Variants in DCUN1D4 observed in about 807,000 individuals in gnomAD.
DCUN1D4 encodes DCN1-like protein 4.
DCUN1D4 carries 22 observed loss-of-function variants against 47.9 expected under a neutral mutation model. The ratio of observed to expected loss-of-function variants is 0.46; its 90% confidence interval spans 0.33 to 0.66. The LOEUF (loss-of-function observed/expected upper bound fraction) is 0.66. DCUN1D4 is among the 30% of genes least tolerant of loss of function. The pLI, the probability that DCUN1D4 is intolerant of heterozygous loss-of-function variation, is 0.02. For missense variants in DCUN1D4, 301 were observed against 340.8 expected (o/e 0.88, Z 0.92); for synonymous variants, 121 against 112.2 (o/e 1.08, Z -0.50).
In DCUN1D4 at chr4:51,914,444, ACCT is replaced by A. The variant is rs1734129644; in HGVS notation, c.*865_*867del. 6.6e-6 allele frequency: 1 copy of A among 152,254 alleles called. No homozygotes were observed. Among genetic ancestry groups the A allele is most frequent in the Non-Finnish European group, 1.5e-5 (1 of 67,978 alleles). The allele number at this position is 152,254 out of a possible 1,614,324, so 9.4% of individuals were successfully genotyped here. ...TGCCACTCTAAGTAAAATTTATTTC[ACCT>A]CCTCAATGAAAACCTCATGGTTTTG... On this transcript the variant is annotated 3_prime_UTR_variant, in exon 11 of 11. Transcript: ENST00000334635.
rs150575732 is a variant in DCUN1D4 at position 51,912,141 on chromosome 4, A to G, written c.720+967A>G. Among the ~76,000 whole-genome samples, 427 of 152,324 alleles carry G rather than the reference A, an allele frequency of 2.8e-3. 2 individuals are homozygous for G. Among genetic ancestry groups the G allele is most frequent in the African/African-American group, 1.0e-2 (415 of 41,586 alleles). ...AGTATCTGTTTACCCAAAATAGTCC[A>G]TGTTGACATATGGTCTGTTCTAATT... is the stretch of plus-strand genomic sequence containing the variant. On this transcript the variant is annotated intron_variant, in intron 9 of 10. Coordinates refer to ENST00000334635, the MANE Select transcript of DCUN1D4 (RefSeq NM_001040402.3).
intron 1 of DCUN1D4, among the ~76,000 whole-genome samples, chr4:51,855,771 A>G (rs1213481501): frequency 1.3e-5 from 2 of 152,208 alleles, no homozygotes; most frequent in African/African-American, 4.8e-5. Context: ...AAAGGTTGTA[A>G]TGCATCCTTT....
chr4:51,893,219 G>C (rs568992886), intron 7 of DCUN1D4, among the ~76,000 whole-genome samples: 89 of 152,276 alleles, frequency 5.8e-4, no homozygotes, highest in African/African-American at 2.0e-3. Flanking sequence ...GATGACAAAT[G>C]AGTTTTAGGT....
intron 8 of DCUN1D4, chr4:51,905,277 G>A (rs1404591084): frequency 3.4e-5 from 15 of 446,428 alleles, no homozygotes; most frequent in Non-Finnish European, 4.5e-5. Flanking sequence ...GAGAGCCAGC[G>A]AGGAGGGGCA....
the DCUN1D4 span, among the ~76,000 whole-genome samples, chr4:51,835,034 T>C: frequency 3.3e-5 from 5 of 152,198 alleles, no homozygotes; most frequent in African/African-American, 7.2e-5. Context: ...GAGATTTGCC[T>C]TGGACTCCAA....
intron 1 of DCUN1D4, among the ~76,000 whole-genome samples, chr4:51,856,203 T>G (rs1724111132): frequency 6.6e-6 from 1 of 152,218 alleles, no homozygotes; most frequent in Non-Finnish European, 1.5e-5. Flanking sequence ...TTCTGCCGCC[T>G]TTACAGGTTT....
chr4:51,891,732 T>G (rs1299899457), intron 6 of DCUN1D4, 28 bp from the exon 7 acceptor site: 1 of 1,526,486 alleles, frequency 6.6e-7, no homozygotes, highest in African/African-American at 1.4e-5. Context: ...AATATATTTT[T>G]TTTTAATTGT....
At chr4:51,849,952 T>C (rs1352159848) in intron 1 of DCUN1D4, among the ~76,000 whole-genome samples, 1 of 152,206 alleles carries the variant, frequency 6.6e-6, no homozygotes, top group Non-Finnish European at 1.5e-5. Flanking sequence ...TTAGGTATAA[T>C]TTCACGTATT....
At chr4:51,845,739 A>G (rs563031979) in intron 1 of DCUN1D4, among the ~76,000 whole-genome samples, 1 of 152,242 alleles carries the variant, frequency 6.6e-6, no homozygotes, top group Non-Finnish European at 1.5e-5. Flanking sequence ...TGATGATAAA[A>G]ATATTACCAA....
chr4:51,913,700 C>A lies in DCUN1D4; in HGVS notation c.*116C>A. 1 of 935,266 alleles carries A rather than the reference C, an allele frequency of 1.1e-6. No homozygotes were observed. The highest frequency in any genetic ancestry group is 1.7e-6 in the Non-Finnish European group (1 of 595,288). The allele number at this position is 935,266 out of a possible 1,614,324, so 57.9% of individuals were successfully genotyped here. A position where few individuals can be genotyped will look rare whatever the true frequency, so the allele number is the denominator to read the frequency against. ...CTTCTCTTGCACTGTTTCCCTTTCG[C>A]AGGGACATGTTGGTGTTTGCTATTG... On this transcript the variant is annotated 3_prime_UTR_variant, in exon 11 of 11. Coordinates refer to ENST00000334635, the MANE Select transcript of DCUN1D4 (RefSeq NM_001040402.3).
intron 3 of DCUN1D4, chr4:51,864,929 T>C (rs1725665481): frequency 6.5e-6 from 1 of 152,722 alleles, no homozygotes; most frequent in Admixed American, 6.5e-5. Context: ...GAGTGAAAAG[T>C]GACAGCTGTC....
chr4:51,869,335 C>T (rs1305319138), intron 3 of DCUN1D4, among the ~76,000 whole-genome samples: 1 of 152,000 alleles, frequency 6.6e-6, no homozygotes, highest in African/African-American at 2.4e-5. Flanking sequence ...TATTTATGAA[C>T]TTAAGTTACT....
chr4:51,855,781 T>A (rs376462142), intron 1 of DCUN1D4, among the ~76,000 whole-genome samples: 6 of 152,332 alleles, frequency 3.9e-5, no homozygotes, highest in African/African-American at 1.4e-4. Context: ...ATGCATCCTT[T>A]GTGGGTTGGA....
intron 1 of DCUN1D4, among the ~76,000 whole-genome samples, chr4:51,861,268 C>CA (rs1725007939): frequency 6.6e-6 from 1 of 151,948 alleles, no homozygotes. Context: ...TGTGTGTGTG[C>CA]AAGTGTGTGC....
chr4:51,911,285 A>G, intron 9 of DCUN1D4, 111 bp downstream of exon 9: 2 of 952,942 alleles, frequency 2.1e-6, no homozygotes, highest in Non-Finnish European at 3.2e-6. Flanking sequence ...CTGCCTATGT[A>G]GGAATTACGG....
intron 1 of DCUN1D4, among the ~76,000 whole-genome samples, chr4:51,862,647 A>G (rs1725250243): frequency 6.6e-6 from 1 of 152,162 alleles, no homozygotes; most frequent in Non-Finnish European, 1.5e-5. Context: ...AGTGGTACTT[A>G]TATATGAAAT....
rs764806354 is a variant in DCUN1D4 at position 51,911,159 on chromosome 4, T to G, written c.705T>G (p.Phe235Leu). 4 of 1,611,750 alleles carry G rather than the reference T, an allele frequency of 2.5e-6. No homozygotes were observed. The highest frequency in any genetic ancestry group is 3.4e-6 in the Non-Finnish European group (4 of 1,179,318). ...LGKIWPLFPV[F>L]HQFLEQSKYK... Reference sequence around the variant, plus strand: ...AAATCTGGCCCCTTTTTCCAGTTTTTCACCAATTCTTAGAGGTACCAAATT... The same window carrying G: ...AAATCTGGCCCCTTTTTCCAGTTTTGCACCAATTCTTAGAGGTACCAAATT... Residue 235 changes from phenylalanine (F) to leucine (L), a missense_variant, in exon 9 of 11, where the codon TTT becomes TTG. By Grantham distance (22) the Phe-to-Leu change is conservative. Coordinates refer to ENST00000334635, the MANE Select transcript of DCUN1D4 (RefSeq NM_001040402.3).
At chr4:51,863,175 G>T (rs1004481054) in intron 1 of DCUN1D4, among the ~76,000 whole-genome samples, 3 of 152,166 alleles carry the variant, frequency 2.0e-5, no homozygotes, top group Admixed American at 6.5e-5. Flanking sequence ...CTGCTGGCAG[G>T]ATTTTATAAC....
intron 5 of DCUN1D4, among the ~76,000 whole-genome samples, chr4:51,883,442 T>C (rs1329927039): frequency 6.6e-6 from 1 of 152,214 alleles, no homozygotes; most frequent in Admixed American, 6.5e-5. Context: ...AATGTGCACA[T>C]GTGGATATAT....
Sources: gnomAD v4.1 joint callset for allele counts (sites outside exome capture counted in the v4.1 genomes callset) on GRCh38, gnomAD v4.1.1 for gene constraint, MANE v1.5 for transcripts, NCBI Gene and HGNC (gene_info 2026-07-23, HGNC 2026-07-21) for gene names.